SLC4A5: variants seen among roughly 807,000 people sequenced by gnomAD.
SLC4A5 encodes the protein electrogenic sodium bicarbonate cotransporter 4.
In SLC4A5, 96 loss-of-function variants were observed where a neutral mutation model predicts 120.4. That is an observed-to-expected ratio of 0.80 (90% CI 0.68 to 0.94). SLC4A5 has a LOEUF of 0.94. Ranked by LOEUF, SLC4A5 falls within the 40% of genes least tolerant of loss-of-function variation. SLC4A5 has a pLI of 0.00. For missense variants in SLC4A5, 1,259 were observed against 1,459.5 expected, an observed-to-expected ratio of 0.86 and a Z score of 2.24; for synonymous variants, 550 against 571.1, an observed-to-expected ratio of 0.96 and a Z score of 0.53.
At chr2:74,320,195 C>A (rs1673061691) in intron 5 of SLC4A5, among the ~76,000 whole-genome samples, 1 of 151,582 alleles carries the variant, frequency 6.6e-6, no homozygotes, top group Non-Finnish European at 1.5e-5. Context: ...ATAGGAGTTC[C>A]CAAAAGAGAG....
At chr2:74,218,481 T>C (rs1479383103) in exon 31 of SLC4A5, 1 of 152,238 alleles carries the variant, frequency 6.6e-6, no homozygotes, top group Non-Finnish European at 1.5e-5. Flanking sequence ...TAAGCAATAC[T>C]TTTCATCAAT....
At chr2:74,309,194 C>T (rs1672735558) in intron 6 of SLC4A5, among the ~76,000 whole-genome samples, 1 of 152,012 alleles carries the variant, frequency 6.6e-6, no homozygotes, top group African/African-American at 2.4e-5. Flanking sequence ...GCTGGGATTA[C>T]AGGCATGAGC....
chr2:74,268,104 T>C (rs1418147558), intron 8 of SLC4A5, among the ~76,000 whole-genome samples: 1 of 152,166 alleles, frequency 6.6e-6, no homozygotes, highest in Non-Finnish European at 1.5e-5. Context: ...TCTCATCACC[T>C]TTGATTTCTT....
Position 74,247,007 on chromosome 2 carries a change from C to T in SLC4A5, c.2059+29G>A, listed in dbSNP as rs760491405. On this transcript the variant is annotated intron_variant, in intron 19 of 30. Coordinates refer to ENST00000394019, the Ensembl canonical transcript of SLC4A5. ...AGGGGGCCGGTGGGGTAGGTGAGGG[C>T]CCACGGCATGTCTGGGGTTACCGGT... The T allele has an allele frequency of 3.1e-6, 5 of 1,608,238 alleles. No homozygotes were observed. The Admixed American group carries it at 5.0e-5, about 16-fold the overall frequency.
Position 74,223,149 on chromosome 2 carries a change from C to T in SLC4A5, c.3247-197G>A, listed in dbSNP as rs1036505623. On this transcript the variant is annotated intron_variant, in intron 28 of 30. Transcript: ENST00000394019. Reference sequence around the variant, plus strand: ...CCTCCCAAGTAGCTGGGATTACAGGCGTGCACCCCCATACCTGGCTAATTT... The same window carrying T: ...CCTCCCAAGTAGCTGGGATTACAGGTGTGCACCCCCATACCTGGCTAATTT... Among the ~76,000 whole-genome samples, 9 of 151,974 alleles carry T rather than the reference C, an allele frequency of 5.9e-5. 1 individual carries two copies. Among genetic ancestry groups the T allele is most frequent in the Middle Eastern group, 3.4e-3 (1 of 294 alleles).
intron 7 of SLC4A5, among the ~76,000 whole-genome samples, chr2:74,291,075 G>A (rs1672151351): frequency 6.6e-6 from 1 of 152,156 alleles, no homozygotes; most frequent in African/African-American, 2.4e-5. Flanking sequence ...CACTGACCAA[G>A]CAGTGCTCGA....
rs1694785710 is a variant in SLC4A5, at chr2:74,224,851, A to G, written c.3235T>C (p.Cys1079Arg). Reference sequence around the variant, plus strand: ...CACATCTTCCCCACCTCCTCATCACAGTCCTCGTGGGCCCCTTTTTTTCTC... The same window carrying G: ...CACATCTTCCCCACCTCCTCATCACGGTCCTCGTGGGCCCCTTTTTTTCTC... Residue 1079 changes from cysteine (C) to arginine (R), a missense_variant, in exon 28 of 31, where the codon TGT (cysteine) becomes CGT (arginine). By Grantham distance (180) the Cys-to-Arg change is radical (BLOSUM62 -3). Coordinates refer to ENST00000394019, the Ensembl canonical transcript of SLC4A5. The G allele has an allele frequency of 6.2e-7, 1 of 1,610,828 alleles. No homozygotes were observed. The highest frequency in any genetic ancestry group is 1.3e-5 in the African/African-American group (1 of 74,380).
chr2:74,225,636 T>C (rs1342436820), intron 27 of SLC4A5, among the ~76,000 whole-genome samples: 2 of 152,130 alleles, frequency 1.3e-5, no homozygotes, highest in African/African-American at 4.8e-5. Context: ...GCTCTCAAAC[T>C]TGAGCATGCA....
intron 4 of SLC4A5, among the ~76,000 whole-genome samples, chr2:74,332,538 T>C (rs1319067189): frequency 2.0e-5 from 3 of 152,186 alleles, no homozygotes; most frequent in Non-Finnish European, 4.4e-5. Context: ...TCTTCTCTCA[T>C]TGATACTCAT....
intron 6 of SLC4A5, among the ~76,000 whole-genome samples, chr2:74,308,508 A>G (rs1189302661): frequency 1.3e-5 from 2 of 152,184 alleles, no homozygotes; most frequent in Non-Finnish European, 2.9e-5. Flanking sequence ...CTTATTTGCC[A>G]TCTGTATATC....
chr2:74,232,664 G>A lies in SLC4A5; in HGVS notation c.2596-17C>T, dbSNP rs764531322. On this transcript the variant is annotated splice_polypyrimidine_tract_variant and intron_variant, in intron 23 of 30. Coordinates refer to ENST00000394019, the Ensembl canonical transcript of SLC4A5. ...GGCAGCCTTCTGCAGGAGCGGGGTT[G>A]GGGGAGGGAGAAGTTTCTGGGGAGC... 6.2e-7 allele frequency: 1 copy of A among 1,608,696 alleles called. No homozygotes were observed. The highest frequency in any genetic ancestry group is 2.2e-5 in the East Asian group (1 of 44,780).
chr2:74,283,373 G>GT (rs1230588029), intron 8 of SLC4A5, among the ~76,000 whole-genome samples: 5 of 152,182 alleles, frequency 3.3e-5, no homozygotes, highest in African/African-American at 4.8e-5. Context: ...GATCAGCACC[G>GT]TAAGTGTTCA....
At chr2:74,315,068 AAAGGG>A in intron 5 of SLC4A5, 43 bp from the exon 6 acceptor site, 2 of 1,496,710 alleles carry the variant, frequency 1.3e-6, no homozygotes, top group East Asian at 4.5e-5. Flanking sequence ...TATACATTAA[AAAGGG>A]TAGGATTTCA....
chr2:74,259,663 A>T lies in SLC4A5; in HGVS notation c.812-20T>A. On this transcript the variant is annotated intron_variant, in intron 11 of 30. Coordinates refer to ENST00000394019, the Ensembl canonical transcript of SLC4A5. ...CATGACCTAGGAGAAAAGGAAAAGA[A>T]GATCCATCAGGGGAAGCCAGGCTCT... The T allele has an allele frequency of 6.2e-7, 1 of 1,614,038 alleles. No homozygotes were observed. Among genetic ancestry groups the T allele is most frequent in the Non-Finnish European group, 8.5e-7 (1 of 1,179,872 alleles).
chr2:74,297,550 T>A (rs1672369640), intron 7 of SLC4A5, among the ~76,000 whole-genome samples: 1 of 152,238 alleles, frequency 6.6e-6, no homozygotes, highest in South Asian at 2.1e-4. Flanking sequence ...TGGCTCCAGT[T>A]CTTATTAGCA....
exon 31 of SLC4A5, chr2:74,216,641 A>G (rs558079871): frequency 7.2e-5 from 11 of 152,308 alleles, no homozygotes; most frequent in South Asian, 2.1e-4. Flanking sequence ...CATGGATTCC[A>G]GCTGTCTCCC....
At chr2:74,269,092 G>A (rs1184650157) in intron 8 of SLC4A5, among the ~76,000 whole-genome samples, 5 of 152,158 alleles carry the variant, frequency 3.3e-5, no homozygotes, top group African/African-American at 1.2e-4. Context: ...AAATCTGTTT[G>A]GGAAATATCA....
In SLC4A5 at chr2:74,255,400, C is replaced by G. The variant is rs886187232; in HGVS notation, c.1025+375G>C. Among the ~76,000 whole-genome samples, 1 of 152,192 alleles carries G rather than the reference C, an allele frequency of 6.6e-6. No individual in the cohort carries two copies. Among genetic ancestry groups the G allele is most frequent in the Non-Finnish European group, 1.5e-5 (1 of 68,044 alleles). ...CTCTGCCTCCCGGGTTCAAGTGATT[C>G]TCCTGCCTCAGCCTCCCGAGGAGCT... On this transcript the variant is annotated intron_variant, in intron 13 of 30. Coordinates refer to ENST00000394019, the Ensembl canonical transcript of SLC4A5. The surrounding 1 kb of genome is among the most constrained non-coding windows in gnomAD (Gnocchi z 4.0).
At chr2:74,295,374 C>T (rs1672297021) in intron 7 of SLC4A5, among the ~76,000 whole-genome samples, 1 of 152,090 alleles carries the variant, frequency 6.6e-6, no homozygotes, top group Non-Finnish European at 1.5e-5. Flanking sequence ...TGGCTCATGC[C>T]TATAATTCCA....
Sources: gnomAD v4.1 joint callset for allele counts (sites outside exome capture counted in the v4.1 genomes callset) on GRCh38, gnomAD v4.1.1 for gene constraint, Gnocchi (gnomAD v3.1) non-coding constraint, MANE v1.5 for transcripts, NCBI Gene and HGNC (gene_info 2026-07-23, HGNC 2026-07-21) for gene names.